GPC6: variants seen among roughly 807,000 people sequenced by gnomAD.
GPC6 encodes glypican-6.
GPC6 carries 14 observed loss-of-function variants against 55.2 expected under a neutral mutation model. The observed-to-expected ratio is 0.25, with a 90% CI of 0.17 to 0.40. The LOEUF (loss-of-function observed/expected upper bound fraction) is 0.40, where lower values mean the gene tolerates loss of function less well. Ranked by LOEUF, GPC6 falls within the 10% of genes least tolerant of loss-of-function variation. GPC6 has a pLI of 1.00. For missense variants in GPC6, 641 were observed against 708.5 expected (o/e 0.90, Z 1.08); for synonymous variants, 278 against 259.6 (o/e 1.07, Z -0.68).
rs572992374 is a variant in GPC6, at chr13:94,224,163, A to C, written c.878-62186A>C. 3.3e-5 allele frequency among the ~76,000 whole-genome samples: 5 copies of C among 151,782 alleles called. No homozygotes were observed. In the South Asian group the frequency reaches 1.0e-3, roughly 32 times the overall value. ...GTGCAGAAAACATGTGTGTTAGATA[A>C]GCTTTGTTCAGGCACGAGTTATAGT... On this transcript the variant is annotated intron_variant, in intron 4 of 8. Coordinates refer to ENST00000377047, the MANE Select transcript of GPC6 (RefSeq NM_005708.5).
chr13:93,287,250 A>G (rs1394442531), intron 1 of GPC6, among the ~76,000 whole-genome samples: 11 of 152,216 alleles, frequency 7.2e-5, no homozygotes, highest in Non-Finnish European at 1.6e-4. Context: ...AAATTTAATT[A>G]TAGCTTCATA....
intron 1 of GPC6, among the ~76,000 whole-genome samples, chr13:93,313,467 G>A (rs1199930289): frequency 2.0e-5 from 3 of 152,264 alleles, no homozygotes; most frequent in Non-Finnish European, 4.4e-5. Flanking sequence ...AAACTCCTGA[G>A]ATGACCAGCA....
At chr13:94,325,765 C>T (rs998741786) in intron 6 of GPC6, among the ~76,000 whole-genome samples, 7 of 152,134 alleles carry the variant, frequency 4.6e-5, no homozygotes, top group East Asian at 1.9e-4. Flanking sequence ...CCTTTTGATC[C>T]GTGTGACCCG....
chr13:93,443,221 A>G (rs550476023), intron 1 of GPC6, among the ~76,000 whole-genome samples: 13 of 152,324 alleles, frequency 8.5e-5, no homozygotes, highest in Admixed American at 3.3e-4. Context: ...TCAGGATTTT[A>G]TCAGATGTTC....
At chr13:93,496,400 G>T (rs1461491745) in intron 1 of GPC6, among the ~76,000 whole-genome samples, 1 of 152,186 alleles carries the variant, frequency 6.6e-6, no homozygotes, top group Non-Finnish European at 1.5e-5. Context: ...CCACTGGCCT[G>T]CGCCCACTGT....
intron 3 of GPC6, among the ~76,000 whole-genome samples, chr13:93,892,430 G>A (rs1005673224): frequency 6.6e-6 from 1 of 152,164 alleles, no homozygotes; most frequent in Non-Finnish European, 1.5e-5. Context: ...AATCAGGAAA[G>A]AAGTAGATAT....
Position 93,433,223 on chromosome 13 carries a change from G to C in GPC6, c.161-112040G>C, listed in dbSNP as rs530801712. The stretch of plus-strand genomic sequence containing the variant: ...AACGGGATGATGCTGAAATCTTGCA[G>C]TCCATGAAATCTGGTTGGATGAGAT... On this transcript the variant is annotated intron_variant, in intron 1 of 8. Coordinates refer to ENST00000377047, the MANE Select transcript of GPC6 (RefSeq NM_005708.5). Among the ~76,000 whole-genome samples the C allele has an allele frequency of 4.5e-4, 68 of 152,260 alleles. 1 individual carries two copies. The highest frequency in any genetic ancestry group is 6.8e-3 in the Middle Eastern group (2 of 294).
intron 3 of GPC6, among the ~76,000 whole-genome samples, chr13:93,895,140 A>C (rs1255943300): frequency 6.7e-6 from 1 of 149,406 alleles, no homozygotes; most frequent in Non-Finnish European, 1.5e-5. Flanking sequence ...GTCTATATAT[A>C]TATTTTCACC....
chr13:94,355,554 T>A (rs1226878296), intron 6 of GPC6, among the ~76,000 whole-genome samples: 1 of 152,222 alleles, frequency 6.6e-6, no homozygotes, highest in African/African-American at 2.4e-5. Context: ...AGACTATCTC[T>A]TGTGAAAATG....
intron 3 of GPC6, among the ~76,000 whole-genome samples, chr13:93,924,807 A>C (rs972139434): frequency 1.3e-5 from 2 of 149,712 alleles, no homozygotes; most frequent in African/African-American, 4.9e-5. Flanking sequence ...TTAAGTTATG[A>C]TGTCTAGGTT....
intron 1 of GPC6, among the ~76,000 whole-genome samples, chr13:93,459,404 T>A (rs1346034216): frequency 6.6e-6 from 1 of 152,220 alleles, no homozygotes; most frequent in Non-Finnish European, 1.5e-5. Context: ...GAGTTTTATT[T>A]GCTGTTTAAC....
chr13:93,810,333 G>A (rs912214663), intron 2 of GPC6, among the ~76,000 whole-genome samples: 1 of 152,178 alleles, frequency 6.6e-6, no homozygotes, highest in Non-Finnish European at 1.5e-5. Flanking sequence ...TGTCCCCATT[G>A]TTGTGTTGTA....
At chr13:93,372,695 C>G (rs908391670) in intron 1 of GPC6, among the ~76,000 whole-genome samples, 58 of 152,146 alleles carry the variant, frequency 3.8e-4, no homozygotes, top group African/African-American at 4.8e-5. Context: ...CAACCTTTAT[C>G]CTACAAGGCA....
chr13:93,633,448 C>T (rs1297759189), intron 2 of GPC6, among the ~76,000 whole-genome samples: 1 of 152,020 alleles, frequency 6.6e-6, no homozygotes, highest in Non-Finnish European at 1.5e-5. Flanking sequence ...GAGTTTAAGA[C>T]TAGCCTGGCC....
intron 2 of GPC6, among the ~76,000 whole-genome samples, chr13:93,663,717 T>G (rs550817275): frequency 5.3e-5 from 8 of 152,318 alleles, no homozygotes; most frequent in African/African-American, 1.7e-4. Context: ...CACAGCTTTC[T>G]TGTCTACACA....
intron 1 of GPC6, among the ~76,000 whole-genome samples, chr13:93,463,780 TTCTA>T (rs1878799885): frequency 6.6e-6 from 1 of 152,036 alleles, no homozygotes; most frequent in Non-Finnish European, 1.5e-5. Flanking sequence ...AAAGACAGTT[TTCTA>T]TCTATCCTCA....
At chr13:93,613,259 C>T (rs1161968530) in intron 2 of GPC6, among the ~76,000 whole-genome samples, 1 of 152,070 alleles carries the variant, frequency 6.6e-6, no homozygotes, top group East Asian at 1.9e-4. Flanking sequence ...AGTAAAACAG[C>T]AACAATAATA....
At chr13:93,325,297 TA>T (rs1311790379) in intron 1 of GPC6, among the ~76,000 whole-genome samples, 1 of 152,224 alleles carries the variant, frequency 6.6e-6, no homozygotes, top group African/African-American at 2.4e-5. Context: ...TGTATATTTT[TA>T]ATTTTCATGA....
At position 93,882,673 on chromosome 13, in the gene GPC6, G is replaced by T. The variant is rs74685802; in HGVS notation, c.711+52128G>T. On this transcript the variant is annotated intron_variant, in intron 3 of 8. Transcript: ENST00000377047. ...GTAAATACCACCCCAGTTTCAAATAGAACATTTTTTAAAAGATCTGTATCT... is the reference window on the plus strand; with the variant it reads ...GTAAATACCACCCCAGTTTCAAATATAACATTTTTTAAAAGATCTGTATCT... Among the ~76,000 whole-genome samples the T allele has an allele frequency of 4.6e-3, 704 of 152,120 alleles. 7 individuals are homozygous for T. The highest frequency in any genetic ancestry group is 0.016 in the African/African-American group (675 of 41,518).
Sources: allele counts gnomAD v4.1 joint callset (sites outside exome capture counted in the v4.1 genomes callset), GRCh38; gene constraint gnomAD v4.1.1; transcripts MANE v1.5; gene names NCBI Gene and HGNC (gene_info 2026-07-23, HGNC 2026-07-21).